The following ZNF507 variants were observed in gnomAD, a reference collection of about 807,000 sequenced individuals.
The protein encoded by ZNF507 is zinc finger protein 507.
In ZNF507, 29 loss-of-function variants were observed where a neutral mutation model predicts 80.0. That is an observed-to-expected ratio of 0.36 (90% confidence interval 0.27 to 0.49). The LOEUF (loss-of-function observed/expected upper bound fraction) is 0.49. ZNF507 is among the 20% of genes least tolerant of loss of function. The probability of loss-of-function intolerance (pLI) is 0.98; values close to 1 mark genes in which losing one functional copy is unlikely to be tolerated. For missense variants in ZNF507, 1,081 were observed against 1,152.2 expected (o/e 0.94, Z 0.90); for synonymous variants, 462 against 422.5 (o/e 1.09, Z -1.15).
Position 32,356,722 on chromosome 19 carries a change from G to A in ZNF507, c.2234G>A (p.Cys745Tyr), listed in dbSNP as rs766732031. 1.9e-6 allele frequency: 3 copies of A among 1,613,410 alleles called. No homozygotes were observed. The highest frequency in any genetic ancestry group is 2.5e-6 in the Non-Finnish European group (3 of 1,179,352). The change falls in exon 4 of 7, where the codon TGT becomes TAT. Residue 745 changes from cysteine to tyrosine, a missense_variant. Cys to Tyr is a radical substitution (Grantham distance 194). Around this residue, in one of 6 missense-constraint regions of ZNF507, gnomAD observed 614 missense variants for 583.9 expected, o/e 1.05. Transcript: ENST00000355898. ...RISSDTADGKCVQEGNKSSVQ... is the reference protein window; with the variant it reads ...RISSDTADGKYVQEGNKSSVQ... ...TCCAGTGATACAGCTGATGGAAAAT[G>A]TGTCCAGGAAGGTATCTATGTATTT...
intron 5 of ZNF507, among the ~76,000 whole-genome samples, 186 bp downstream of exon 5, chr19:32,360,804 C>T (rs1414061468): frequency 6.6e-6 from 1 of 152,060 alleles, no homozygotes; most frequent in Non-Finnish European, 1.5e-5. Context: ...CAGTGTCTTG[C>T]TGTATTGCCC....
In ZNF507 at chr19:32,383,794, C is replaced by A. The variant is rs969200429; in HGVS notation, c.*711C>A. On this transcript the variant is annotated 3_prime_UTR_variant, in exon 7 of 7. Coordinates refer to ENST00000355898, the MANE Select transcript of ZNF507 (RefSeq NM_001136156.2). ...AGAGGACGAAACAGGTGAATTCTCA[C>A]CAGACTCAAACCAGATCTCAATTCG... 1.3e-5 allele frequency: 2 copies of A among 152,176 alleles called. No homozygotes were observed. Among genetic ancestry groups the A allele is most frequent in the Non-Finnish European group, 2.9e-5 (2 of 68,030 alleles). The allele number at this position is 152,176 out of a possible 1,614,324, so 9.4% of individuals were successfully genotyped here.
At chr19:32,357,995 A>AAAAT (rs745552023) in intron 4 of ZNF507, 29 of 152,234 alleles carry the variant, frequency 1.9e-4, no homozygotes, top group Non-Finnish European at 2.9e-4. Context: ...GTGTCAGCTC[A>AAAAT]AAATTAAAAT....
rs770898247 is a variant in ZNF507 at position 32,354,642 on chromosome 19, C to T, written c.1812C>T (p.Asp604=). Residue 604 remains aspartate (D), a synonymous_variant, in exon 3 of 7, where the codon GAC becomes GAT. Coordinates refer to ENST00000355898, the MANE Select transcript of ZNF507 (RefSeq NM_001136156.2). The part of the protein sequence containing the change: ...LRERTDQNAS[D]DDILKELQDN... Reference sequence around the variant, plus strand: ...AAAGGACAGACCAAAACGCTTCAGACGATGACATTTTGAAAGAGTTGCAGG... The same window carrying T: ...AAAGGACAGACCAAAACGCTTCAGATGATGACATTTTGAAAGAGTTGCAGG... The T allele has an allele frequency of 1.9e-5, 31 of 1,614,024 alleles. No homozygotes were observed. Among genetic ancestry groups the T allele is most frequent in the African/African-American group, 4.0e-5 (3 of 74,910 alleles).
At position 32,382,646 on chromosome 19, in the gene ZNF507, A is replaced by G. The variant is rs1261110417; in HGVS notation, c.2495+45A>G. 3 of 1,613,122 alleles carry G rather than the reference A, an allele frequency of 1.9e-6. No homozygotes were observed. In the Admixed American group the frequency reaches 5.0e-5, roughly 27 times the overall value. ...CCCTTTATTGCTATATGTAAATTAA[A>G]GCCAGGATTAAATCTACTAGTCCTA... On this transcript the variant is annotated intron_variant, in intron 6 of 6. Transcript: ENST00000355898.
intron 5 of ZNF507, among the ~76,000 whole-genome samples, chr19:32,365,824 A>G (rs1028590354): frequency 4.6e-5 from 7 of 152,206 alleles, no homozygotes; most frequent in African/African-American, 1.7e-4. Flanking sequence ...CAAGGGAAGT[A>G]CATGGGCTTT....
intron 2 of ZNF507, among the ~76,000 whole-genome samples, chr19:32,349,189 A>G (rs1489682975): frequency 6.6e-6 from 1 of 152,208 alleles, no homozygotes; most frequent in Non-Finnish European, 1.5e-5. Flanking sequence ...AGGACGATGA[A>G]TATTCTGATC....
At chr19:32,347,612 T>A (rs763352196) in intron 2 of ZNF507, among the ~76,000 whole-genome samples, 2 of 151,474 alleles carry the variant, frequency 1.3e-5, no homozygotes, top group African/African-American at 4.9e-5. Context: ...TTTGTGTCTG[T>A]GAGTCTCAGG....
intron 5 of ZNF507, among the ~76,000 whole-genome samples, chr19:32,369,356 TG>T (rs1196901232): frequency 6.6e-6 from 1 of 152,156 alleles, no homozygotes; most frequent in Non-Finnish European, 1.5e-5. Flanking sequence ...TTGGTAGACT[TG>T]AATAATTGAG....
intron 5 of ZNF507, among the ~76,000 whole-genome samples, chr19:32,374,197 C>T (rs1346949399): frequency 6.6e-6 from 1 of 152,152 alleles, no homozygotes; most frequent in African/African-American, 2.4e-5. Context: ...CACTCTCTCT[C>T]TCTTTCTCTC....
chr19:32,355,447 A>G (rs1001961262), intron 3 of ZNF507, among the ~76,000 whole-genome samples: 2 of 152,188 alleles, frequency 1.3e-5, no homozygotes, highest in African/African-American at 2.4e-5. Flanking sequence ...TGGCGGACCT[A>G]TTAAAAGGTA....
At position 32,382,886 on chromosome 19, in the gene ZNF507, A is replaced by G; in HGVS notation, c.2665A>G (p.Thr889Ala). 1.2e-6 allele frequency: 2 copies of G among 1,613,810 alleles called. No homozygotes were observed. The highest frequency in any genetic ancestry group is 1.7e-6 in the Non-Finnish European group (2 of 1,179,820). ...TGAGAAACTGAGCCCTACAAGTAAT[A>G]CCTCATATAGTTTAGAAAAAATCTC... Reference protein sequence around the residue: ...ENEKLSPTSNTSYSLEKISSL... With the variant: ...ENEKLSPTSNASYSLEKISSL... Residue 889 changes from threonine (T) to alanine (A), a missense_variant, in exon 7 of 7, where the codon ACC (threonine) becomes GCC (alanine). By Grantham distance (58) the Thr-to-Ala change is moderately conservative. Around this residue, in one of 6 missense-constraint regions of ZNF507, gnomAD observed 138 missense variants for 158.4 expected, o/e 0.87. Coordinates refer to ENST00000355898, the MANE Select transcript of ZNF507 (RefSeq NM_001136156.2).
In ZNF507 at chr19:32,386,419, A is replaced by C. The variant is rs1967690722; in HGVS notation, c.*3336A>C. On this transcript the variant is annotated 3_prime_UTR_variant, in exon 7 of 7. Transcript: ENST00000355898. ...AATTGTACAGCAAGGTGCTCTAAGT[A>C]ATATTCGATAAAATATATTTAATAG... 1 of 152,630 alleles carries C rather than the reference A, an allele frequency of 6.6e-6. No homozygotes were observed. The highest frequency in any genetic ancestry group is 1.5e-5 in the Non-Finnish European group (1 of 68,042). 9.5% of individuals were successfully genotyped at this position (152,630 alleles called of 1,614,324 possible).
In ZNF507 at chr19:32,369,220, G is replaced by T. The variant is rs562023974; in HGVS notation, c.2360+8602G>T. On this transcript the variant is annotated intron_variant, in intron 5 of 6. Transcript: ENST00000355898. Reference sequence around the variant, plus strand: ...GGTGTTATTGGTTAACATAGAAATTGTGCTGCTTTGGACATTCCAAAGCCT... The same window carrying T: ...GGTGTTATTGGTTAACATAGAAATTTTGCTGCTTTGGACATTCCAAAGCCT... 3.9e-5 allele frequency among the ~76,000 whole-genome samples: 6 copies of T among 152,258 alleles called. No individual in the cohort carries two copies. In the East Asian group the frequency reaches 1.2e-3, roughly 29 times the overall value.
At chr19:32,379,124 T>C (rs561204245) in intron 5 of ZNF507, among the ~76,000 whole-genome samples, 207 of 152,244 alleles carry the variant, frequency 1.4e-3, no homozygotes, top group South Asian at 2.7e-3. Flanking sequence ...CACACTACAG[T>C]ACACACCACG....
Position 32,353,860 on chromosome 19 carries a change from AGAG to A in ZNF507, c.1034_1036del (p.Gly345del), listed in dbSNP as rs758745058. On this transcript the variant is annotated inframe_deletion, in exon 3 of 7. Transcript: ENST00000355898. ...ATCTCCTTTAGAACAGAGTGCAGAA[AGAG>A]GAGTACACCTAAGTCAGTCAGTTAC... The A allele has an allele frequency of 6.2e-7, 1 of 1,614,088 alleles. No individual in the cohort carries two copies. Among genetic ancestry groups the A allele is most frequent in the African/African-American group, 1.3e-5 (1 of 74,926 alleles).
In ZNF507 at chr19:32,386,088, G is replaced by A. The variant is rs1249950543; in HGVS notation, c.*3005G>A. On this transcript the variant is annotated 3_prime_UTR_variant, in exon 7 of 7. Transcript: ENST00000355898. ...CCCTTTCTCTAATCATCCAGAATAT[G>A]GCGGGTGTCCCAGTGTTCAACAGTA... The A allele has an allele frequency of 2.0e-5, 3 of 152,136 alleles. No individual in the cohort carries two copies. The highest frequency in any genetic ancestry group is 4.4e-5 in the Non-Finnish European group (3 of 68,022). 9.4% of individuals were successfully genotyped at this position (152,136 alleles called of 1,614,324 possible).
chr19:32,364,419 C>A (rs1967369237), intron 5 of ZNF507, among the ~76,000 whole-genome samples: 2 of 152,002 alleles, frequency 1.3e-5, no homozygotes, highest in Admixed American at 1.3e-4. Context: ...TTTGTGAGAA[C>A]CTGGTGCATC....
Position 32,354,952 on chromosome 19 carries a change from T to G in ZNF507, c.2122T>G (p.Tyr708Asp). The G allele has an allele frequency of 1.9e-6, 3 of 1,601,270 alleles. No homozygotes were observed. Among genetic ancestry groups the G allele is most frequent in the Non-Finnish European group, 2.6e-6 (3 of 1,173,238 alleles). The change falls in exon 3 of 7, where the codon TAT (tyrosine) becomes GAT (aspartate). Residue 708 changes from tyrosine (Y) to aspartate (D), a missense_variant. Transcript: ENST00000355898. The part of the protein sequence containing the change: ...QCKQCEESFH[Y>D]KSQLRNHERE... ...CAAGCAGTGTGAAGAATCCTTCCAT[T>G]ATAAGGTAAGCATTGGTTCAGGAAG...
Sources: gnomAD v4.1 joint callset for allele counts (sites outside exome capture counted in the v4.1 genomes callset) on GRCh38, gnomAD v4.1.1 for gene constraint, gnomAD v4.1.1 regional missense constraint, MANE v1.5 for transcripts, NCBI Gene and HGNC (gene_info 2026-07-23, HGNC 2026-07-21) for gene names.